EFCAB5: variants seen among roughly 807,000 people sequenced by gnomAD.
EFCAB5 encodes EF-hand calcium-binding domain-containing protein 5.
A neutral mutation model predicts 167.9 loss-of-function variants in EFCAB5; 131 were observed. The ratio of observed to expected loss-of-function variants is 0.78; its 90% CI spans 0.68 to 0.90. The LOEUF is 0.90. EFCAB5 is among the 40% of genes least tolerant of loss of function. The pLI is 0.00. For missense variants in EFCAB5, 1,663 were observed against 1,745.2 expected (o/e 0.95, Z 0.84); for synonymous variants, 574 against 602.8 (o/e 0.95, Z 0.70).
intron 6 of EFCAB5, among the ~76,000 whole-genome samples, chr17:29,998,522 T>C (rs925365327): frequency 2.6e-5 from 4 of 152,150 alleles, no homozygotes; most frequent in South Asian, 2.1e-4. Context: ...CAAACTCCAG[T>C]CAGAGACAGA....
At chr17:30,059,746 G>C in intron 14 of EFCAB5, 45 bp downstream of exon 14, 3 of 1,512,294 alleles carry the variant, frequency 2.0e-6, no homozygotes, top group Non-Finnish European at 8.9e-7. Context: ...TAATTAACTT[G>C]GCTTCAAGTT....
At position 29,969,177 on chromosome 17, in the gene EFCAB5, G is replaced by A. The variant is rs1047162956; in HGVS notation, c.577G>A (p.Val193Ile). 1.5e-5 allele frequency: 24 copies of A among 1,613,442 alleles called. No homozygotes were observed. The highest frequency in any genetic ancestry group is 2.0e-5 in the Non-Finnish European group (24 of 1,179,826). ...TGGAGTAGAAAACATGTTAACTCAA[G>A]TAGAAAAGAAGAAGGTTTTGACAGA... The part of the protein sequence containing the change: ...VPGVENMLTQ[V>I]EKKKVLTEAD... Residue 193 changes from valine to isoleucine, a missense_variant, in exon 4 of 23, where the codon GTA becomes ATA. Coordinates refer to ENST00000394835, the MANE Select transcript of EFCAB5 (RefSeq NM_198529.4).
At chr17:30,107,788 G>C in intron 22 of EFCAB5, 46 bp from the exon 23 acceptor site, 1 of 1,411,302 alleles carries the variant, frequency 7.1e-7, no homozygotes, top group African/African-American at 1.6e-5. Flanking sequence ...TAATAGTAAA[G>C]TGCAAAACTC....
In EFCAB5 at chr17:29,968,996, A is replaced by G. The variant is rs2067892159; in HGVS notation, c.396A>G (p.Lys132=). Residue 132 remains lysine (K), a synonymous_variant, in exon 4 of 23, where the codon AAA becomes AAG. Coordinates refer to ENST00000394835, the MANE Select transcript of EFCAB5 (RefSeq NM_198529.4). ...MEARAQAMQQ[K]IIDKENLKKE... is the part of the protein sequence containing the mutation. ...CAAGAGCCCAAGCAATGCAGCAGAA[A>G]ATAATAGATAAGGAAAATCTGAAGA... 1.3e-6 allele frequency: 2 copies of G among 1,588,954 alleles called. No individual in the cohort carries two copies. Among genetic ancestry groups the G allele is most frequent in the African/African-American group, 2.7e-5 (2 of 73,936 alleles).
At chr17:30,103,967 C>T (rs563876266) in intron 22 of EFCAB5, among the ~76,000 whole-genome samples, 17 of 152,236 alleles carry the variant, frequency 1.1e-4, no homozygotes, top group African/African-American at 3.6e-4. Context: ...GCCAAGATCA[C>T]GCCATTGCAC....
intron 22 of EFCAB5, among the ~76,000 whole-genome samples, chr17:30,102,525 C>A (rs1461356971): frequency 6.6e-6 from 1 of 152,096 alleles, no homozygotes; most frequent in Non-Finnish European, 1.5e-5. Flanking sequence ...CATGAGCCAC[C>A]ATACCCGGCC....
At position 30,045,382 on chromosome 17, in the gene EFCAB5, C is replaced by T. The variant is rs147887639; in HGVS notation, c.1201-5736C>T. 1.9e-3 allele frequency among the ~76,000 whole-genome samples: 289 copies of T among 148,614 alleles called. 1 individual carries two copies. The highest frequency in any genetic ancestry group is 6.5e-3 in the African/African-American group (265 of 40,506). On this transcript the variant is annotated intron_variant, in intron 8 of 22. Transcript: ENST00000394835. ...CTGAGGCAGGAAAATCGATTGAACC[C>T]GGGAGGCAGAGGTTGCAGTGAGCCA... is the stretch of plus-strand genomic sequence containing the variant.
chr17:30,065,456 A>G (rs1331731954), intron 14 of EFCAB5, among the ~76,000 whole-genome samples: 4 of 152,048 alleles, frequency 2.6e-5, no homozygotes, highest in African/African-American at 2.4e-5. Flanking sequence ...AAGTCAAGAG[A>G]TTGAAACCAT....
In EFCAB5 at chr17:30,059,627, T is replaced by G; in HGVS notation, c.2663T>G (p.Phe888Cys). ...FQKWDSDGSG[F>C]LDLKEVDELL... Reference sequence around the variant, plus strand: ...AAGTGGGACAGTGATGGCTCAGGCTTCCTGGATCTGAAGGAAGTTGATGAA... The same window carrying G: ...AAGTGGGACAGTGATGGCTCAGGCTGCCTGGATCTGAAGGAAGTTGATGAA... The change falls in exon 14 of 23, where the codon TTC becomes TGC. Residue 888 changes from phenylalanine (F) to cysteine (C), a missense_variant. Coordinates refer to ENST00000394835, the MANE Select transcript of EFCAB5 (RefSeq NM_198529.4). 6.2e-7 allele frequency: 1 copy of G among 1,613,114 alleles called. No individual in the cohort carries two copies. The highest frequency in any genetic ancestry group is 8.5e-7 in the Non-Finnish European group (1 of 1,179,246).
At position 30,063,752 on chromosome 17, in the gene EFCAB5, T is replaced by C. The variant is rs1164221913; in HGVS notation, c.2737+4051T>C. On this transcript the variant is annotated intron_variant, in intron 14 of 22. Transcript: ENST00000394835. The stretch of plus-strand genomic sequence containing the variant: ...ATGTCAGACCTGACACCAAGAGGGA[T>C]CCCCCTCAGCTAAGTTTCCCCATTG... 2.0e-5 allele frequency among the ~76,000 whole-genome samples: 3 copies of C among 152,032 alleles called. No homozygotes were observed. In the East Asian group the frequency reaches 5.8e-4, roughly 29 times the overall value.
chr17:30,057,717 G>A lies in EFCAB5; in HGVS notation c.2407G>A (p.Val803Ile). Residue 803 changes from valine to isoleucine, a missense_variant, in exon 13 of 23, where the codon GTA (valine) becomes ATA (isoleucine). Transcript: ENST00000394835. Reference protein sequence around the residue: ...IIRNIQSCKEVKGRTAFNGVS... With the variant: ...IIRNIQSCKEIKGRTAFNGVS... Reference sequence around the variant, plus strand: ...CAGAAATATTCAGTCTTGCAAGGAGGTAAAAGGCAGAACTGCCTTCAATGG... The same window carrying A: ...CAGAAATATTCAGTCTTGCAAGGAGATAAAAGGCAGAACTGCCTTCAATGG... 6.2e-7 allele frequency: 1 copy of A among 1,613,734 alleles called. No individual in the cohort carries two copies. Among genetic ancestry groups the A allele is most frequent in the South Asian group, 1.1e-5 (1 of 91,082 alleles).
At chr17:30,093,081 G>A (rs575693458) in intron 22 of EFCAB5, 145 bp downstream of exon 22, 13 of 524,290 alleles carry the variant, frequency 2.5e-5, no homozygotes, top group African/African-American at 2.2e-4. Context: ...GGGACACTAT[G>A]TAATCTATTG....
At chr17:29,930,514 AG>A (rs1329135756) in intron 1 of EFCAB5, among the ~76,000 whole-genome samples, 1 of 152,058 alleles carries the variant, frequency 6.6e-6, no homozygotes, top group African/African-American at 2.4e-5. Flanking sequence ...CCATTTTATG[AG>A]GTGGGGCGGC....
At position 29,970,146 on chromosome 17, in the gene EFCAB5, T is replaced by C. The variant is rs934908328; in HGVS notation, c.767+779T>C. Among the ~76,000 whole-genome samples, 27 of 152,226 alleles carry C rather than the reference T, an allele frequency of 1.8e-4. 1 individual carries two copies. Among genetic ancestry groups the C allele is most frequent in the African/African-American group, 5.5e-4 (23 of 41,454 alleles). Reference sequence around the variant, plus strand: ...AACATGTAAGGATTCAACTTTATCCTTTTTCAAATGTCTACTTAGTGGTCC... The same window carrying C: ...AACATGTAAGGATTCAACTTTATCCCTTTTCAAATGTCTACTTAGTGGTCC... On this transcript the variant is annotated intron_variant, in intron 4 of 22. Transcript: ENST00000394835.
In EFCAB5 at chr17:30,078,454, G is replaced by A. The variant is rs183224258; in HGVS notation, c.2977G>A (p.Gly993Arg). The A allele has an allele frequency of 5.3e-5, 86 of 1,613,636 alleles. No homozygotes were observed. In the African/African-American group the frequency reaches 9.6e-4, roughly 18 times the overall value. Residue 993 changes from glycine to arginine, a missense_variant, in exon 15 of 23, where the codon GGG becomes AGG. Coordinates refer to ENST00000394835, the MANE Select transcript of EFCAB5 (RefSeq NM_198529.4). ...AATCCAATGTGCTGCAGAGACAAGTGGGGTGTCCCTAGAGCCGGTGTATAG... is the reference window on the plus strand; with the variant it reads ...AATCCAATGTGCTGCAGAGACAAGTAGGGTGTCCCTAGAGCCGGTGTATAG... ...HQIQCAAETS[G>R]VSLEPVYSET...
chr17:29,939,413 A>T (rs1469349952), upstream of EFCAB5, among the ~76,000 whole-genome samples: 2 of 152,224 alleles, frequency 1.3e-5, no homozygotes, highest in African/African-American at 2.4e-5. Flanking sequence ...CACCAGCTGC[A>T]TTAGCCCCAA....
chr17:29,946,429 CTTTTTTTTTTTTT>C (rs58247381), intron 3 of EFCAB5, among the ~76,000 whole-genome samples: 4 of 85,444 alleles, frequency 4.7e-5, no homozygotes, highest in Admixed American at 3.0e-4. Flanking sequence ...ATGGAAATTT[CTTTTTTTTTTTTT>C]TTTTTTTTTT....
intron 14 of EFCAB5, chr17:30,073,337 A>C (rs749445900): frequency 2.9e-5 from 16 of 546,716 alleles, no homozygotes; most frequent in African/African-American, 7.7e-5. Flanking sequence ...GATTACAGGC[A>C]TGAGCCACCA....
chr17:29,979,199 A>G (rs1329499593), intron 4 of EFCAB5, among the ~76,000 whole-genome samples: 1 of 152,032 alleles, frequency 6.6e-6, no homozygotes, highest in Non-Finnish European at 1.5e-5. Context: ...AAAATACAAA[A>G]TTTAGCCAGG....
Sources: gnomAD v4.1 joint callset for allele counts (sites outside exome capture counted in the v4.1 genomes callset) on GRCh38, gnomAD v4.1.1 for gene constraint, MANE v1.5 for transcripts, NCBI Gene and HGNC (gene_info 2026-07-23, HGNC 2026-07-21) for gene names.